Variants in NUBP1 observed in about 807,000 individuals in gnomAD.
NUBP1 encodes cytosolic Fe-S cluster assembly factor NUBP1.
Under a neutral mutation model 41.8 loss-of-function variants are expected in NUBP1, and 46 were observed. The ratio of observed to expected loss-of-function variants is 1.10; its 90% confidence interval spans 0.87 to 1.41. NUBP1 has a LOEUF of 1.41. Among genes scored for constraint, NUBP1 ranks in the 40% most tolerant of loss-of-function variants. The pLI, the probability that NUBP1 is intolerant of heterozygous loss-of-function variation, is 0.00. For missense variants in NUBP1, 494 were observed against 414.0 expected (o/e 1.19, Z -1.68); for synonymous variants, 189 against 154.6 (o/e 1.22, Z -1.65).
chr16:10,763,846 C>T (rs368953649), intron 9 of NUBP1: 30 of 158,830 alleles, frequency 1.9e-4, no homozygotes, highest in East Asian at 5.7e-4. Flanking sequence ...AAGAGCATCA[C>T]GGCCCATAGG....
At position 10,767,679 on chromosome 16, in the gene NUBP1, G is replaced by T; in HGVS notation, c.821-270G>T. On this transcript the variant is annotated intron_variant, in intron 9 of 10. Transcript: ENST00000283027. The surrounding 1 kb of genome is among the most constrained non-coding windows in gnomAD (Gnocchi z 4.6). ...AAATGCAGACTCCTGGGCCCATGTG[G>T]AAGCTGCTGAATCAGTTCTCTGTAG... The T allele has an allele frequency of 2.0e-6, 1 of 507,712 alleles. No individual in the cohort carries two copies. Among genetic ancestry groups the T allele is most frequent in the Non-Finnish European group, 3.5e-6 (1 of 286,348 alleles). 31.5% of individuals were successfully genotyped at this position (507,712 alleles called of 1,614,324 possible). A position where few individuals can be genotyped will look rare whatever the true frequency, so the allele number is the denominator to read the frequency against.
At chr16:10,762,875 G>T (rs368842753) in intron 9 of NUBP1, among the ~76,000 whole-genome samples, 7 of 152,202 alleles carry the variant, frequency 4.6e-5, no homozygotes, top group African/African-American at 1.4e-4. Context: ...GCCACGTGGG[G>T]AGCCTTGGGG....
Position 10,757,837 on chromosome 16 carries a change from G to A in NUBP1, c.452-36G>A, listed in dbSNP as rs377186970. On this transcript the variant is annotated intron_variant, in intron 6 of 10. Transcript: ENST00000283027. The surrounding 1 kb of genome is among the most constrained non-coding windows in gnomAD (Gnocchi z 4.1). ...GGAGTTGAAAGTACAGAAAAGAAAG[G>A]AAAAGTAAGCATCCCCTGTGGATTC... The A allele has an allele frequency of 6.9e-6, 11 of 1,596,860 alleles. No homozygotes were observed. The highest frequency in any genetic ancestry group is 9.4e-6 in the Non-Finnish European group (11 of 1,167,018).
intron 3 of NUBP1, among the ~76,000 whole-genome samples, chr16:10,750,681 AC>A (rs1239007069): frequency 6.6e-6 from 1 of 152,164 alleles, no homozygotes; most frequent in Non-Finnish European, 1.5e-5. Flanking sequence ...GGCCTTGATG[AC>A]CCCGGAGCAG....
In NUBP1 at chr16:10,768,885, C is replaced by T. The variant is rs1246488657; in HGVS notation, c.905-162C>T. 3.4e-5 allele frequency: 21 copies of T among 616,682 alleles called. No individual in the cohort carries two copies. The highest frequency in any genetic ancestry group is 5.6e-5 in the African/African-American group (3 of 53,432). 38.2% of individuals were successfully genotyped at this position (616,682 alleles called of 1,614,324 possible). On this transcript the variant is annotated intron_variant, in intron 10 of 10. Transcript: ENST00000283027. The surrounding 1 kb of genome is among the most constrained non-coding windows in gnomAD (Gnocchi z 4.3). ...GCAAGATGGGTAGTGTGAGGTATTC[C>T]GGTCACTTTCAAAGACTCAGGGCAT...
intron 4 of NUBP1, among the ~76,000 whole-genome samples, chr16:10,754,546 T>C (rs150502766): frequency 2.2e-4 from 33 of 151,894 alleles, no homozygotes; most frequent in African/African-American, 7.0e-4. Flanking sequence ...CCTGGCTGGG[T>C]GTCTTTTAAT....
chr16:10,763,354 G>C (rs959374313), intron 9 of NUBP1, among the ~76,000 whole-genome samples: 1 of 152,078 alleles, frequency 6.6e-6, no homozygotes, highest in Non-Finnish European at 1.5e-5. Flanking sequence ...AAGTGGTAGG[G>C]GGGTAGGGTG....
rs1017303012 is a variant in NUBP1, at chr16:10,759,290, G to C, written c.606+1263G>C. Among the ~76,000 whole-genome samples the C allele has an allele frequency of 6.6e-6, 1 of 152,180 alleles. No individual in the cohort carries two copies. The highest frequency in any genetic ancestry group is 6.5e-5 in the Admixed American group (1 of 15,270). On this transcript the variant is annotated intron_variant, in intron 7 of 10. Transcript: ENST00000283027. This position sits in a 1 kb window ranked among gnomAD's most constrained non-coding sequence, Gnocchi z 4.7. Reference sequence around the variant, plus strand: ...TGGCAGGCCCAGCGGCCATGGGAAGGGTGTCCGGGTCAGAAAATGGTGCAA... The same window carrying C: ...TGGCAGGCCCAGCGGCCATGGGAAGCGTGTCCGGGTCAGAAAATGGTGCAA...
intron 9 of NUBP1, among the ~76,000 whole-genome samples, chr16:10,763,331 G>A (rs2030305804): frequency 6.6e-6 from 1 of 152,086 alleles, no homozygotes; most frequent in African/African-American, 2.4e-5. Flanking sequence ...GTTGGGGGAT[G>A]GCTGCCTCGA....
Position 10,755,410 on chromosome 16 carries a change from G to A in NUBP1, c.328-311G>A, listed in dbSNP as rs576208202. Among the ~76,000 whole-genome samples the A allele has an allele frequency of 1.2e-4, 18 of 152,240 alleles. No homozygotes were observed. The East Asian group carries it at 2.3e-3, about 20-fold the overall frequency. On this transcript the variant is annotated intron_variant, in intron 4 of 10. Coordinates refer to ENST00000283027, the MANE Select transcript of NUBP1 (RefSeq NM_002484.4). ...TGCATTTTCTCATCAGTCCCCAGCC[G>A]ATTTTTATGACTCTTTTAAGATACC...
chr16:10,766,052 A>T lies in NUBP1; in HGVS notation c.821-1897A>T, dbSNP rs140355974. 6.6e-6 allele frequency: 1 copy of T among 152,378 alleles called. No homozygotes were observed. The highest frequency in any genetic ancestry group is 1.5e-5 in the Non-Finnish European group (1 of 68,148). The allele number at this position is 152,378 out of a possible 1,614,324, so 9.4% of individuals were successfully genotyped here. ...GGAAAACCCACCTTCCTAGGAACAG[A>T]CAGGAAGGCATGAGGACAGCACTTC... On this transcript the variant is annotated intron_variant, in intron 9 of 10. Coordinates refer to ENST00000283027, the MANE Select transcript of NUBP1 (RefSeq NM_002484.4). The surrounding 1 kb of genome is among the most constrained non-coding windows in gnomAD (Gnocchi z 4.8).
intron 4 of NUBP1, among the ~76,000 whole-genome samples, 176 bp downstream of exon 4, chr16:10,752,854 G>A (rs1900384589): frequency 6.6e-6 from 1 of 152,170 alleles, no homozygotes; most frequent in African/African-American, 2.4e-5. Context: ...GGAGTGCAGT[G>A]GTGCAACCTC....
rs1899940098 is a variant in NUBP1, at chr16:10,744,054, C to T, written c.113C>T (p.Thr38Ile). ...QRLCASGAGA[T>I]PDTAIEEIKE... ...CTGTGCGCTTCTGGAGCGGGGGCCA[C>T]TCCGGACACGGGTGAGAAAAGGGCA... is the stretch of plus-strand genomic sequence containing the variant. Residue 38 changes from threonine to isoleucine, a missense_variant, in exon 2 of 11, where the codon ACT becomes ATT. Thr to Ile is a moderately conservative substitution (Grantham distance 89, BLOSUM62 -1). Transcript: ENST00000283027. 1 of 1,580,736 alleles carries T rather than the reference C, an allele frequency of 6.3e-7. No homozygotes were observed. Among genetic ancestry groups the T allele is most frequent in the African/African-American group, 1.4e-5 (1 of 73,192 alleles).
chr16:10,756,544 A>C, intron 5 of NUBP1, 146 bp from the exon 6 acceptor site: 1 of 499,716 alleles, frequency 2.0e-6, no homozygotes, highest in East Asian at 3.7e-5. Context: ...TTTAGGAGCA[A>C]AGAGTGAATA....
chr16:10,744,076 G>A lies in NUBP1; in HGVS notation c.124+11G>A, dbSNP rs749932617. 3.8e-6 allele frequency: 6 copies of A among 1,565,878 alleles called. No homozygotes were observed. Among genetic ancestry groups the A allele is most frequent in the South Asian group, 1.2e-5 (1 of 83,884 alleles). On this transcript the variant is annotated intron_variant, in intron 2 of 10. Transcript: ENST00000283027. ...CCACTCCGGACACGGGTGAGAAAAG[G>A]GCAAGGCCTCAACAGGAACTTAGAG... is the stretch of plus-strand genomic sequence containing the variant.
At chr16:10,758,105 C>T (rs1900690499) in intron 7 of NUBP1, 78 bp downstream of exon 7, 5 of 1,519,104 alleles carry the variant, frequency 3.3e-6, no homozygotes, top group Non-Finnish European at 4.5e-6. Flanking sequence ...GGCTCTGATA[C>T]TCTGGTCTCA....
Position 10,766,115 on chromosome 16 carries a change from T to C in NUBP1, c.821-1834T>C, listed in dbSNP as rs1409820925. On this transcript the variant is annotated intron_variant, in intron 9 of 10. Transcript: ENST00000283027. This position sits in a 1 kb window ranked among gnomAD's most constrained non-coding sequence, Gnocchi z 4.8. ...GGACATGGTGGCAAAGAGTTACAGA[T>C]GCCAGCGCTCTGGTGCTATGGGTCC... 2 of 152,378 alleles carry C rather than the reference T, an allele frequency of 1.3e-5. No individual in the cohort carries two copies. Among genetic ancestry groups the C allele is most frequent in the African/African-American group, 4.8e-5 (2 of 41,436 alleles). The allele number at this position is 152,378 out of a possible 1,614,324, so 9.4% of individuals were successfully genotyped here. A position where few individuals can be genotyped will look rare whatever the true frequency, so the allele number is the denominator to read the frequency against.
chr16:10,761,865 T>A lies in NUBP1; in HGVS notation c.820+6T>A, dbSNP rs754861381. The A allele has an allele frequency of 2.8e-5, 45 of 1,610,720 alleles. 2 individuals are homozygous for A. In the South Asian group the frequency reaches 4.4e-4, roughly 16 times the overall value. On this transcript the variant is annotated splice_donor_region_variant and intron_variant, in intron 9 of 10. Coordinates refer to ENST00000283027, the MANE Select transcript of NUBP1 (RefSeq NM_002484.4). Reference sequence around the variant, plus strand: ...GCCCCTGGATCCGCTCATAGGTGGGTGACCCCAGTGTGGGGCGGCACCTCA... The same window carrying A: ...GCCCCTGGATCCGCTCATAGGTGGGAGACCCCAGTGTGGGGCGGCACCTCA...
In NUBP1 at chr16:10,749,130, C is replaced by G. The variant is rs987904194; in HGVS notation, c.258+1854C>G. ...ATAGATAGATACACAGACACATACACACACACACACACACACACACACACA... is the reference window on the plus strand; with the variant it reads ...ATAGATAGATACACAGACACATACAGACACACACACACACACACACACACA... On this transcript the variant is annotated intron_variant, in intron 3 of 10. Coordinates refer to ENST00000283027, the MANE Select transcript of NUBP1 (RefSeq NM_002484.4). The surrounding 1 kb of genome is among the most constrained non-coding windows in gnomAD (Gnocchi z 4.1). Among the ~76,000 whole-genome samples, 82 of 74,904 alleles carry G rather than the reference C, an allele frequency of 1.1e-3. No homozygotes were observed. Among genetic ancestry groups the G allele is most frequent in the African/African-American group, 3.1e-3 (73 of 23,500 alleles). The allele number at this position is 74,904 out of a possible 152,430, so 49.1% of individuals were successfully genotyped here. A position where few individuals can be genotyped will look rare whatever the true frequency, so the allele number is the denominator to read the frequency against.
Sources: allele counts gnomAD v4.1 joint callset (sites outside exome capture counted in the v4.1 genomes callset), GRCh38; gene constraint gnomAD v4.1.1; non-coding constraint Gnocchi (gnomAD v3.1); transcripts MANE v1.5; gene names NCBI Gene and HGNC (gene_info 2026-07-23, HGNC 2026-07-21).